Variants in NRXN3 observed in about 807,000 individuals in gnomAD.
NRXN3 encodes the protein neurexin III.
NRXN3 carries 32 observed loss-of-function variants against 137.6 expected under a neutral mutation model. The ratio of observed to expected loss-of-function variants is 0.23; its 90% confidence interval spans 0.18 to 0.31. The LOEUF (loss-of-function observed/expected upper bound fraction) is 0.31. Among genes scored for constraint, NRXN3 ranks in the 10% least tolerant of loss-of-function variants. The probability of loss-of-function intolerance (pLI) is 1.00; values close to 1 mark genes in which losing one functional copy is unlikely to be tolerated. For missense variants in NRXN3, 1,574 were observed against 2,062.5 expected (o/e 0.76, Z 4.59); for synonymous variants, 798 against 784.5 (o/e 1.02, Z -0.29).
chr14:79,011,190 G>T (rs1357050712), intron 15 of NRXN3, among the ~76,000 whole-genome samples: 1 of 152,050 alleles, frequency 6.6e-6, no homozygotes, highest in Admixed American at 6.6e-5. Context: ...TTAATTTTTA[G>T]CATAAATTTA....
rs78946441 is a variant in NRXN3, at chr14:78,997,175, T to C, written c.3262+9034T>C. ...GGGACTCATAGGTGACACATTGGTT[T>C]CTACAAACCCCAGTAGACACTTGGT... On this transcript the variant is annotated intron_variant, in intron 15 of 20. Transcript: ENST00000335750. 3.8e-3 allele frequency among the ~76,000 whole-genome samples: 584 copies of C among 152,306 alleles called. 16 individuals are homozygous for C. Among genetic ancestry groups the C allele is most frequent in the East Asian group, 0.03 (157 of 5,182 alleles).
At chr14:79,856,537 G>A (rs192870596) in intron 20 of NRXN3, among the ~76,000 whole-genome samples, 2 of 151,910 alleles carry the variant, frequency 1.3e-5, no homozygotes, top group East Asian at 3.9e-4. Context: ...CAGCATCACT[G>A]TTTTGGTATT....
chr14:78,347,132 A>G (rs2153588116), intron 4 of NRXN3, among the ~76,000 whole-genome samples: 1 of 152,342 alleles, frequency 6.6e-6, no homozygotes, highest in African/African-American at 2.4e-5. Context: ...AATTGCCGTC[A>G]ATTACAATCC....
rs76382106 is a variant in NRXN3, at chr14:79,147,302, A to C, written c.3262+159161A>C. 4.1e-3 allele frequency among the ~76,000 whole-genome samples: 625 copies of C among 152,230 alleles called. 3 individuals carry two copies. The highest frequency in any genetic ancestry group is 0.014 in the African/African-American group (597 of 41,534). On this transcript the variant is annotated intron_variant, in intron 15 of 20. Transcript: ENST00000335750. The stretch of plus-strand genomic sequence containing the variant: ...TTGCTGAGTATCATTGGTAATTTCT[A>C]TGTAAATTTTCTCAGAGTAGCAATT...
chr14:78,809,571 C>G (rs941096931), intron 9 of NRXN3, among the ~76,000 whole-genome samples: 5 of 152,174 alleles, frequency 3.3e-5, no homozygotes, highest in African/African-American at 1.2e-4. Context: ...TCTCTAAAAT[C>G]TGGGATGGGT....
intron 4 of NRXN3, among the ~76,000 whole-genome samples, chr14:78,319,088 C>T (rs117182645): frequency 3.3e-5 from 5 of 152,290 alleles, no homozygotes; most frequent in Non-Finnish European, 7.4e-5. Context: ...AATGATCTTG[C>T]AAGTGAGGGC....
At chr14:78,420,119 G>T (rs1461200466) in intron 4 of NRXN3, among the ~76,000 whole-genome samples, 1 of 152,144 alleles carries the variant, frequency 6.6e-6, no homozygotes. Context: ...GGGGTTATTT[G>T]TCCCAAGTTG....
intron 2 of NRXN3, among the ~76,000 whole-genome samples, chr14:78,265,966 G>C (rs57598119): frequency 0.011 from 1,614 of 152,258 alleles, 26 homozygotes; most frequent in African/African-American, 0.037. Context: ...CCAGTGCCTA[G>C]CACCATCCCT....
At chr14:78,620,095 G>A (rs1019344149) in intron 4 of NRXN3, among the ~76,000 whole-genome samples, 1 of 152,186 alleles carries the variant, frequency 6.6e-6, no homozygotes, top group Admixed American at 6.5e-5. Context: ...TCTTGTAGGT[G>A]AAACAGGGCT....
At chr14:79,795,349 A>G (rs181929709) in intron 19 of NRXN3, among the ~76,000 whole-genome samples, 5 of 152,296 alleles carry the variant, frequency 3.3e-5, no homozygotes, top group Admixed American at 3.3e-4. Flanking sequence ...TTCTCAATTT[A>G]ATAGCACCTG....
chr14:78,336,255 G>A (rs933372830), intron 4 of NRXN3, among the ~76,000 whole-genome samples: 25 of 152,124 alleles, frequency 1.6e-4, no homozygotes, highest in African/African-American at 5.6e-4. Flanking sequence ...CTGGGTTCTT[G>A]GAATTGGTCT....
chr14:78,855,853 T>C (rs74634290), intron 10 of NRXN3, among the ~76,000 whole-genome samples: 8,101 of 152,258 alleles, frequency 0.053, 384 homozygotes, highest in East Asian at 0.25. Context: ...TTTACAGTCA[T>C]AGTATTTCAT....
chr14:78,389,056 C>CTTTT (rs5809885), intron 4 of NRXN3, among the ~76,000 whole-genome samples: 2 of 135,608 alleles, frequency 1.5e-5, no homozygotes, highest in African/African-American at 2.8e-5. Flanking sequence ...GTTTAAGTTT[C>CTTTT]TTTTTTTTTT....
chr14:79,771,241 T>C (rs1219451675), intron 19 of NRXN3, among the ~76,000 whole-genome samples: 1 of 151,864 alleles, frequency 6.6e-6, no homozygotes, highest in Non-Finnish European at 1.5e-5. Flanking sequence ...TTCCAATCAA[T>C]AGAAAAAGAG....
intron 4 of NRXN3, among the ~76,000 whole-genome samples, chr14:78,305,829 T>A (rs1446439258): frequency 6.6e-6 from 1 of 152,212 alleles, no homozygotes; most frequent in Admixed American, 6.5e-5. Context: ...TGACAGTGAA[T>A]ATAAAATCGC....
chr14:79,716,306 G>A (rs544166523), intron 19 of NRXN3, among the ~76,000 whole-genome samples: 4 of 152,214 alleles, frequency 2.6e-5, no homozygotes, highest in African/African-American at 7.2e-5. Flanking sequence ...AATTTTGCAC[G>A]GTACATGAAA....
intron 8 of NRXN3, among the ~76,000 whole-genome samples, chr14:78,797,464 A>T (rs1022344707): frequency 1.3e-5 from 2 of 152,220 alleles, no homozygotes; most frequent in Non-Finnish European, 1.5e-5. Context: ...TCAAATAACT[A>T]AAGGAAATTA....
intron 4 of NRXN3, among the ~76,000 whole-genome samples, chr14:78,487,376 G>A (rs998148772): frequency 2.0e-5 from 3 of 152,076 alleles, no homozygotes; most frequent in African/African-American, 7.2e-5. Context: ...TTTATCTCTG[G>A]GGGATAGTAC....
chr14:78,865,119 A>G (rs1352732875), intron 10 of NRXN3, among the ~76,000 whole-genome samples: 1 of 152,130 alleles, frequency 6.6e-6, no homozygotes, highest in African/African-American at 2.4e-5. Context: ...CATCCATGGC[A>G]CTCATTAATG....
Sources: allele counts gnomAD v4.1 joint callset (sites outside exome capture counted in the v4.1 genomes callset), GRCh38; gene constraint gnomAD v4.1.1; transcripts MANE v1.5; gene names NCBI Gene and HGNC (gene_info 2026-07-23, HGNC 2026-07-21).